OR52N4: variants seen among roughly 807,000 people sequenced by gnomAD.
The protein encoded by OR52N4 is olfactory receptor family 52 subfamily N member 4, also known as olfactory receptor 52N4.
OR52N4 carries 15 observed loss-of-function variants against 15.0 expected under a neutral mutation model. The ratio of observed to expected loss-of-function variants is 1.00; its 90% CI spans 0.67 to 1.54. The LOEUF (loss-of-function observed/expected upper bound fraction) is 1.54, where lower values mean the gene tolerates loss of function less well. OR52N4 is among the 40% of genes most tolerant of loss of function. The pLI, the probability that OR52N4 is intolerant of heterozygous loss-of-function variation, is 0.00. For synonymous variants in OR52N4, 143 were observed against 143.7 expected, an observed-to-expected ratio of 1.00 and a Z score of 0.03; for missense variants, 421 against 394.0, an observed-to-expected ratio of 1.07 and a Z score of -0.58.
At chr11:5,729,908 T>C in the OR52N4 span, among the ~76,000 whole-genome samples, 4 of 152,206 alleles carry the variant, frequency 2.6e-5, no homozygotes, top group Non-Finnish European at 5.9e-5. Context: ...CTTTTTCCTC[T>C]CAAGAAAGCC....
Position 5,755,213 on chromosome 11 carries a change from T to C in OR52N4, c.473T>C (p.Ile158Thr). Residue 158 changes from isoleucine to threonine, a missense_variant, in exon 2 of 2, where the codon ATT becomes ACT. Coordinates refer to ENST00000641350, the MANE Select transcript of OR52N4 (RefSeq NM_001005175.5). Reference sequence around the variant, plus strand: ...ACCTTCCTGAGAGGGGTATTACTCATTATTCCCTTTACTTTCCTCACCAAG... The same window carrying C: ...ACCTTCCTGAGAGGGGTATTACTCACTATTCCCTTTACTTTCCTCACCAAG... ...TATFLRGVLLIIPFTFLTKLL... is the reference protein window; with the variant it reads ...TATFLRGVLLTIPFTFLTKLL... 6.2e-7 allele frequency: 1 copy of C among 1,613,982 alleles called. No individual in the cohort carries two copies. Among genetic ancestry groups the C allele is most frequent in the East Asian group, 2.2e-5 (1 of 44,860 alleles).
the OR52N4 span, among the ~76,000 whole-genome samples, chr11:5,744,503 A>G: frequency 1.3e-5 from 2 of 152,212 alleles, 1 homozygote; most frequent in Admixed American, 1.3e-4. Flanking sequence ...AAGATAATGC[A>G]CCACAATCAA....
the OR52N4 span, among the ~76,000 whole-genome samples, chr11:5,740,306 T>A: frequency 2.4e-5 from 3 of 126,784 alleles, 1 homozygote; most frequent in Admixed American, 1.5e-4. Flanking sequence ...ATTTGAAAGG[T>A]ATGTGGAGGG....
the OR52N4 span, among the ~76,000 whole-genome samples, chr11:5,729,626 C>T: frequency 6.6e-6 from 1 of 152,140 alleles, no homozygotes; most frequent in Non-Finnish European, 1.5e-5. Flanking sequence ...TACTTATAAG[C>T]ACTGCTTGTT....
chr11:5,753,502 C>G (rs12362742), upstream of OR52N4, among the ~76,000 whole-genome samples: 26,131 of 151,662 alleles, frequency 0.17, 2,415 homozygotes, highest in East Asian at 0.25. Flanking sequence ...TATATATTTT[C>G]TGTATGTATG....
chr11:5,743,781 G>T, the OR52N4 span, among the ~76,000 whole-genome samples: 1 of 152,040 alleles, frequency 6.6e-6, no homozygotes, highest in Non-Finnish European at 1.5e-5. Flanking sequence ...TAAAAATATA[G>T]AAAGATTTTA....
chr11:5,730,254 C>G, the OR52N4 span, among the ~76,000 whole-genome samples: 1 of 141,328 alleles, frequency 7.1e-6, no homozygotes, highest in African/African-American at 2.7e-5. Context: ...TGCAGTGGCA[C>G]AATCTCAGCT....
the OR52N4 span, among the ~76,000 whole-genome samples, chr11:5,742,953 A>G: frequency 2.0e-5 from 3 of 152,184 alleles, no homozygotes; most frequent in Non-Finnish European, 4.4e-5. Flanking sequence ...AACTGAGAAA[A>G]TGGATTAAAA....
chr11:5,746,550 T>C, the OR52N4 span, among the ~76,000 whole-genome samples: 1 of 152,036 alleles, frequency 6.6e-6, no homozygotes, highest in Non-Finnish European at 1.5e-5. Context: ...AAGAAACATA[T>C]GCAAAAATAC....
At chr11:5,752,711 C>T (rs1235593704), upstream of OR52N4, among the ~76,000 whole-genome samples, 1 of 152,170 alleles carries the variant, frequency 6.6e-6, no homozygotes, top group African/African-American at 2.4e-5. Flanking sequence ...TTGATTTTTA[C>T]AACCTGAATC....
the OR52N4 span, among the ~76,000 whole-genome samples, chr11:5,730,816 A>T: frequency 6.6e-6 from 1 of 150,890 alleles, no homozygotes; most frequent in Admixed American, 6.6e-5. Flanking sequence ...CTAGATGTCT[A>T]TGCAGAAAAC....
chr11:5,729,929 T>C, the OR52N4 span, among the ~76,000 whole-genome samples: 1 of 152,196 alleles, frequency 6.6e-6, no homozygotes, highest in African/African-American at 2.4e-5. Context: ...TCTTATAATA[T>C]GCCTTTGGGA....
the OR52N4 span, chr11:5,734,071 C>T: frequency 6.8e-6 from 3 of 438,938 alleles, no homozygotes; most frequent in Non-Finnish European, 1.4e-5. Context: ...TGCTTTACTA[C>T]TCTCCATAAA....
chr11:5,755,359 C>T lies in OR52N4; in HGVS notation c.619C>T (p.Leu207=). Residue 207 remains leucine, a synonymous_variant, in exon 2 of 2, where the codon CTG becomes TTG. Transcript: ENST00000641350. The part of the protein sequence containing the change: ...NAIYGLMVAL[L]IWGFDILCIT... ...CATCTATGGTCTGATGGTTGCCCTC[C>T]TGATTTGGGGCTTTGACATACTGTG... 6.2e-7 allele frequency: 1 copy of T among 1,614,066 alleles called. No individual in the cohort carries two copies.
At chr11:5,731,612 A>G in the OR52N4 span, among the ~76,000 whole-genome samples, 1 of 152,186 alleles carries the variant, frequency 6.6e-6, no homozygotes, top group African/African-American at 2.4e-5. Flanking sequence ...CAAATGTATT[A>G]TATCACACCT....
chr11:5,746,773 AAC>A, the OR52N4 span, among the ~76,000 whole-genome samples: 1 of 152,184 alleles, frequency 6.6e-6, no homozygotes, highest in African/African-American at 2.4e-5. Flanking sequence ...CCACAGTTTG[AAC>A]CATTAGAACC....
the OR52N4 span, among the ~76,000 whole-genome samples, chr11:5,730,256 A>G: frequency 3.4e-5 from 5 of 147,012 alleles, no homozygotes; most frequent in African/African-American, 1.0e-4. Flanking sequence ...CAGTGGCACA[A>G]TCTCAGCTCA....
At chr11:5,733,316 T>C in the OR52N4 span, among the ~76,000 whole-genome samples, 11 of 152,262 alleles carry the variant, frequency 7.2e-5, no homozygotes, top group East Asian at 2.1e-3. Context: ...TGAGGTTACC[T>C]TGTTGTTACA....
chr11:5,729,803 G>C, the OR52N4 span, among the ~76,000 whole-genome samples: 2 of 152,122 alleles, frequency 1.3e-5, no homozygotes, highest in Admixed American at 6.5e-5. Flanking sequence ...AAATGACAAG[G>C]AATAAACTGT....
Sources: allele counts gnomAD v4.1 joint callset (sites outside exome capture counted in the v4.1 genomes callset), GRCh38; gene constraint gnomAD v4.1.1; transcripts MANE v1.5; gene names NCBI Gene and HGNC (gene_info 2026-07-23, HGNC 2026-07-21).